PTP4A3: variants seen among roughly 807,000 people sequenced by gnomAD.
The protein encoded by PTP4A3 is protein tyrosine phosphatase 4A3, also known as protein tyrosine phosphatase type IVA 3.
PTP4A3 carries 9 observed loss-of-function variants against 15.2 expected under a neutral mutation model. The observed-to-expected ratio is 0.59, with a 90% CI of 0.36 to 1.03. PTP4A3 has a LOEUF of 1.03. Ranked by LOEUF, PTP4A3 falls within the 50% of genes least tolerant of loss-of-function variation. The pLI, the probability that PTP4A3 is intolerant of heterozygous loss-of-function variation, is 0.02. For synonymous variants in PTP4A3, 95 were observed against 102.0 expected (o/e 0.93, Z 0.41); for missense variants, 234 against 252.1 (o/e 0.93, Z 0.49).
intron 1 of PTP4A3, among the ~76,000 whole-genome samples, chr8:141,395,161 C>T (rs1214005898): frequency 6.6e-6 from 1 of 152,196 alleles, no homozygotes; most frequent in Non-Finnish European, 1.5e-5. Flanking sequence ...GGGTGGGGCA[C>T]GAGCTGTGGG....
intron 1 of PTP4A3, among the ~76,000 whole-genome samples, chr8:141,399,191 G>C (rs1832524777): frequency 6.6e-6 from 1 of 152,190 alleles, no homozygotes; most frequent in Non-Finnish European, 1.5e-5. Context: ...CTTGCCCCTA[G>C]AGCCGGTGCC....
intron 1 of PTP4A3, among the ~76,000 whole-genome samples, chr8:141,393,031 C>T (rs966453697): frequency 2.0e-5 from 3 of 152,146 alleles, no homozygotes; most frequent in African/African-American, 4.8e-5. Context: ...GGGCCCTGCT[C>T]CCAGGTTGGA....
chr8:141,425,211 C>T lies in PTP4A3; in HGVS notation c.198+71C>T. The T allele has an allele frequency of 7.1e-7, 1 of 1,411,934 alleles. No homozygotes were observed. Among genetic ancestry groups the T allele is most frequent in the East Asian group, 2.4e-5 (1 of 41,550 alleles). The allele number at this position is 1,411,934 out of a possible 1,614,324, so 87.5% of individuals were successfully genotyped here. A position where few individuals can be genotyped will look rare whatever the true frequency, so the allele number is the denominator to read the frequency against. On this transcript the variant is annotated intron_variant, in intron 3 of 5. Transcript: ENST00000521578. The surrounding 1 kb of genome is among the most constrained non-coding windows in gnomAD (Gnocchi z 4.2). ...GAGGGTGGGGCGGGGGGCTCCGGGC[C>T]TGCGCAGAGGGTTTGGTGCCCCTCC...
At chr8:141,428,059 G>A (rs1412024122) in intron 5 of PTP4A3, among the ~76,000 whole-genome samples, 3 of 152,074 alleles carry the variant, frequency 2.0e-5, no homozygotes, top group Non-Finnish European at 2.9e-5. Context: ...CACCCGCCAC[G>A]CCGTCCTGCC....
Position 141,429,665 on chromosome 8 carries a change from C to CT in PTP4A3, c.405-1262_405-1261insT, listed in dbSNP as rs1491153265. 9.1e-3 allele frequency among the ~76,000 whole-genome samples: 14 copies of CT among 1,544 alleles called. 4 individuals are homozygous for CT. Among genetic ancestry groups the CT allele is most frequent in the South Asian group, 0.022 (1 of 46 alleles). 1.0% of individuals were successfully genotyped at this position (1,544 alleles called of 152,430 possible). ...GCGGGGACAGGGTGAGCACACAGTCCAGTCCCCGCTGTAAGGACCAGGTGG... is the reference window on the plus strand; with the variant it reads ...GCGGGGACAGGGTGAGCACACAGTCCTAGTCCCCGCTGTAAGGACCAGGTGG... On this transcript the variant is annotated intron_variant, in intron 5 of 5. Coordinates refer to ENST00000521578, the MANE Select transcript of PTP4A3 (RefSeq NM_032611.3).
In PTP4A3 at chr8:141,410,255, G is replaced by T. The variant is rs368824820; in HGVS notation, c.-853-11133G>T. On this transcript the variant is annotated intron_variant, in intron 1 of 5. Coordinates refer to ENST00000521578, the MANE Select transcript of PTP4A3 (RefSeq NM_032611.3). ...CGGCCCCCAGGCTCCCAGCCAGACT[G>T]GGGGAGTGGGGCTGGCCCAATCTGG... Among the ~76,000 whole-genome samples the T allele has an allele frequency of 1.1e-4, 17 of 152,264 alleles. 1 individual carries two copies. The South Asian group carries it at 2.7e-3, about 24-fold the overall frequency.
intron 2 of PTP4A3, among the ~76,000 whole-genome samples, chr8:141,422,818 C>T (rs145853276): frequency 0.023 from 3,438 of 152,252 alleles, 127 homozygotes; most frequent in African/African-American, 0.078. Context: ...CAAGGGTCAG[C>T]GCTGACCACA....
chr8:141,417,804 A>G (rs1023993749), intron 1 of PTP4A3, among the ~76,000 whole-genome samples: 8 of 151,578 alleles, frequency 5.3e-5, no homozygotes, highest in Non-Finnish European at 1.0e-4. Flanking sequence ...GCGCGGCTAT[A>G]TTTAGGCGGC....
Position 141,425,196 on chromosome 8 carries a change from C to CGGGGGGGGGG in PTP4A3, c.198+62_198+63insGGGGGGGGGG. On this transcript the variant is annotated intron_variant, in intron 3 of 5. Transcript: ENST00000521578. The surrounding 1 kb of genome is among the most constrained non-coding windows in gnomAD (Gnocchi z 4.2). Reference sequence around the variant, plus strand: ...CTGCTGCCACCGGGGGAGGGTGGGGCGGGGGGCTCCGGGCCTGCGCAGAGG... The same window carrying CGGGGGGGGGG: ...CTGCTGCCACCGGGGGAGGGTGGGGCGGGGGGGGGGGGGGGGCTCCGGGCCTGCGCAGAGG... The CGGGGGGGGGG allele has an allele frequency of 2.8e-6, 1 of 361,480 alleles. No individual in the cohort carries two copies. 22.4% of individuals were successfully genotyped at this position (361,480 alleles called of 1,614,324 possible).
At chr8:141,417,494 C>A (rs1833101669) in intron 1 of PTP4A3, among the ~76,000 whole-genome samples, 1 of 152,122 alleles carries the variant, frequency 6.6e-6, no homozygotes, top group African/African-American at 2.4e-5. Context: ...GGCCGCATTT[C>A]CATTTCCAAA....
intron 1 of PTP4A3, among the ~76,000 whole-genome samples, chr8:141,404,320 C>T (rs993917444): frequency 6.6e-6 from 1 of 152,260 alleles, no homozygotes; most frequent in Non-Finnish European, 1.5e-5. Flanking sequence ...GGGGCCTCTG[C>T]GCCTCTCCCC....
intron 1 of PTP4A3, among the ~76,000 whole-genome samples, chr8:141,398,375 G>A (rs1832503222): frequency 6.6e-6 from 1 of 152,212 alleles, no homozygotes; most frequent in Non-Finnish European, 1.5e-5. Context: ...CCCTGCAGGA[G>A]CCAGCGTTGC....
At chr8:141,398,395 C>T (rs1473165980) in intron 1 of PTP4A3, among the ~76,000 whole-genome samples, 2 of 152,192 alleles carry the variant, frequency 1.3e-5, no homozygotes, top group Non-Finnish European at 2.9e-5. Flanking sequence ...CTGATGTGGG[C>T]AGACGGGCGT....
intron 1 of PTP4A3, among the ~76,000 whole-genome samples, chr8:141,414,758 C>T (rs1220555204): frequency 2.0e-5 from 3 of 151,916 alleles, no homozygotes; most frequent in African/African-American, 7.3e-5. Context: ...TCTTAGTGAC[C>T]GCTCTCTGCC....
At chr8:141,409,388 G>A (rs1432609710) in intron 1 of PTP4A3, among the ~76,000 whole-genome samples, 1 of 152,214 alleles carries the variant, frequency 6.6e-6, no homozygotes, top group South Asian at 2.1e-4. Flanking sequence ...TCCTGGTGGG[G>A]CAGGGGGATG....
Position 141,425,763 on chromosome 8 carries a change from C to G in PTP4A3, c.198+623C>G, listed in dbSNP as rs750167523. On this transcript the variant is annotated intron_variant, in intron 3 of 5. Coordinates refer to ENST00000521578, the MANE Select transcript of PTP4A3 (RefSeq NM_032611.3). The surrounding 1 kb of genome is among the most constrained non-coding windows in gnomAD (Gnocchi z 4.2). ...AGTCTCCTCAGTGCGGAGCACCCCT[C>G]AGTCACTGCTTTTCATCCCAGGACT... Among the ~76,000 whole-genome samples, 85 of 152,348 alleles carry G rather than the reference C, an allele frequency of 5.6e-4. No individual in the cohort carries two copies. Among genetic ancestry groups the G allele is most frequent in the Admixed American group, 2.5e-3 (38 of 15,312 alleles).
intron 1 of PTP4A3, among the ~76,000 whole-genome samples, chr8:141,405,237 G>A (rs1832693700): frequency 6.6e-6 from 1 of 152,222 alleles, no homozygotes; most frequent in African/African-American, 2.4e-5. Context: ...GGCCTTGCAT[G>A]CCTGGCTCCT....
At chr8:141,416,057 A>G (rs1833040060) in intron 1 of PTP4A3, among the ~76,000 whole-genome samples, 1 of 151,956 alleles carries the variant, frequency 6.6e-6, no homozygotes, top group South Asian at 2.1e-4. Context: ...AGGCCCGGCC[A>G]GAGGGCCCCA....
chr8:141,393,168 A>G (rs1832340533), intron 1 of PTP4A3, among the ~76,000 whole-genome samples: 1 of 152,164 alleles, frequency 6.6e-6, no homozygotes, highest in South Asian at 2.1e-4. Flanking sequence ...AATCCTCCCA[A>G]GAAGTTCGTT....
Sources: allele counts gnomAD v4.1 joint callset (sites outside exome capture counted in the v4.1 genomes callset), GRCh38; gene constraint gnomAD v4.1.1; non-coding constraint Gnocchi (gnomAD v3.1); transcripts MANE v1.5; gene names NCBI Gene and HGNC (gene_info 2026-07-23, HGNC 2026-07-21).